Variants in CLASP1 observed in about 807,000 individuals in gnomAD.
CLASP1 encodes the protein cytoplasmic linker associated protein 1.
CLASP1 carries 38 observed loss-of-function variants against 192.3 expected under a neutral mutation model. The ratio of observed to expected loss-of-function variants is 0.20; its 90% CI spans 0.15 to 0.26. The LOEUF (loss-of-function observed/expected upper bound fraction) is 0.26. Ranked by LOEUF, CLASP1 falls within the 10% of genes least tolerant of loss-of-function variation. The probability of loss-of-function intolerance (pLI) is 1.00; values close to 1 mark genes in which losing one functional copy is unlikely to be tolerated. For synonymous variants in CLASP1, 691 were observed against 712.8 expected (o/e 0.97, Z 0.49); for missense variants, 1,433 against 1,932.5 (o/e 0.74, Z 4.85).
At chr2:121,470,879 A>G (rs547204642) in intron 8 of CLASP1, among the ~76,000 whole-genome samples, 1 of 152,362 alleles carries the variant, frequency 6.6e-6, no homozygotes, top group South Asian at 2.1e-4. Flanking sequence ...AGGTGAAAAA[A>G]AAGACTTCAC....
At chr2:121,459,256 G>A (rs2087360702) in intron 12 of CLASP1, among the ~76,000 whole-genome samples, 1 of 151,772 alleles carries the variant, frequency 6.6e-6, no homozygotes, top group Admixed American at 6.6e-5. Context: ...TTGAACTCCT[G>A]GGCTCAATCA....
At chr2:121,458,290 G>A (rs1422817682) in intron 13 of CLASP1, among the ~76,000 whole-genome samples, 1 of 152,212 alleles carries the variant, frequency 6.6e-6, no homozygotes, top group Non-Finnish European at 1.5e-5. Context: ...GGGAGGTAAT[G>A]TGGAAAACCA....
chr2:121,577,414 C>T (rs980782392), intron 2 of CLASP1, among the ~76,000 whole-genome samples: 3 of 152,102 alleles, frequency 2.0e-5, no homozygotes, highest in South Asian at 2.1e-4. Flanking sequence ...GACCATATTT[C>T]AACAAGAAAA....
intron 2 of CLASP1, among the ~76,000 whole-genome samples, chr2:121,593,625 T>TAAAAA (rs2062698351): frequency 2.4e-5 from 1 of 42,100 alleles, no homozygotes; most frequent in African/African-American, 2.3e-4. Context: ...AAACTCCGTC[T>TAAAAA]CAAAAAAAAA....
At chr2:121,376,912 G>A (rs1166981039) in intron 34 of CLASP1, among the ~76,000 whole-genome samples, 1 of 152,190 alleles carries the variant, frequency 6.6e-6, no homozygotes, top group Non-Finnish European at 1.5e-5. Flanking sequence ...CTCAGACAGG[G>A]CCAACTAGTT....
At chr2:121,453,533 A>G (rs2086001383) in intron 14 of CLASP1, among the ~76,000 whole-genome samples, 1 of 152,166 alleles carries the variant, frequency 6.6e-6, no homozygotes, top group Admixed American at 6.5e-5. Flanking sequence ...AACTACACAC[A>G]CACACATTCC....
intron 1 of CLASP1, among the ~76,000 whole-genome samples, chr2:121,633,947 T>C (rs1012244851): frequency 3.3e-5 from 5 of 150,310 alleles, no homozygotes; most frequent in African/African-American, 4.9e-5. Flanking sequence ...GCGGAGCTTG[T>C]AGTGAGCCCC....
At chr2:121,535,648 A>G (rs2095043868) in intron 2 of CLASP1, among the ~76,000 whole-genome samples, 1 of 152,044 alleles carries the variant, frequency 6.6e-6, no homozygotes. Flanking sequence ...GACATTCATT[A>G]GAATTTTTTT....
At chr2:121,346,603 C>T (rs965081976) in intron 39 of CLASP1, among the ~76,000 whole-genome samples, 7 of 152,214 alleles carry the variant, frequency 4.6e-5, no homozygotes, top group African/African-American at 1.4e-4. Context: ...CATGAGTCAA[C>T]GCATGCAAAG....
At chr2:121,527,100 T>C (rs2094592618) in intron 5 of CLASP1, among the ~76,000 whole-genome samples, 1 of 152,176 alleles carries the variant, frequency 6.6e-6, no homozygotes, top group Non-Finnish European at 1.5e-5. Flanking sequence ...AAACTAAAAA[T>C]GAACTTACCA....
chr2:121,496,956 A>G (rs1232894791), intron 8 of CLASP1, among the ~76,000 whole-genome samples: 1 of 152,232 alleles, frequency 6.6e-6, no homozygotes, highest in Non-Finnish European at 1.5e-5. Context: ...ATCATATTAT[A>G]TAAAATAAGC....
chr2:121,378,735 G>A lies in CLASP1; in HGVS notation c.3492-1086C>T, dbSNP rs114391209. Reference sequence around the variant, plus strand: ...AATTTAATTTTTAAAATAGTCCTGAGCTATACTGAGGATTGCTAGGGACAC... The same window carrying A: ...AATTTAATTTTTAAAATAGTCCTGAACTATACTGAGGATTGCTAGGGACAC... On this transcript the variant is annotated intron_variant, in intron 33 of 39. Coordinates refer to ENST00000263710, the Ensembl canonical transcript of CLASP1. Among the ~76,000 whole-genome samples, 746 of 152,194 alleles carry A rather than the reference G, an allele frequency of 4.9e-3. 9 individuals carry two copies. Among genetic ancestry groups the A allele is most frequent in the African/African-American group, 0.017 (723 of 41,512 alleles).
At chr2:121,598,215 T>C (rs538249167) in intron 2 of CLASP1, among the ~76,000 whole-genome samples, 6 of 152,326 alleles carry the variant, frequency 3.9e-5, no homozygotes, top group African/African-American at 1.2e-4. Flanking sequence ...GTTCTGAATG[T>C]ATGCTTATTT....
At chr2:121,543,394 A>C (rs1166517646) in intron 2 of CLASP1, among the ~76,000 whole-genome samples, 2 of 152,166 alleles carry the variant, frequency 1.3e-5, no homozygotes, top group Non-Finnish European at 2.9e-5. Flanking sequence ...AGACCTCTAA[A>C]TTTGCAATCT....
At chr2:121,550,852 C>T (rs1356588421) in intron 2 of CLASP1, among the ~76,000 whole-genome samples, 1 of 152,114 alleles carries the variant, frequency 6.6e-6, no homozygotes, top group African/African-American at 2.4e-5. Context: ...AGGAGGGACT[C>T]CTACCCAACT....
chr2:121,624,550 G>T (rs529149031), intron 1 of CLASP1, among the ~76,000 whole-genome samples: 2 of 152,206 alleles, frequency 1.3e-5, no homozygotes, highest in East Asian at 3.9e-4. Flanking sequence ...CCAAGTAGCT[G>T]GGATTACAGG....
chr2:121,597,926 C>G (rs1367421662), intron 2 of CLASP1, among the ~76,000 whole-genome samples: 1 of 152,164 alleles, frequency 6.6e-6, no homozygotes, highest in Non-Finnish European at 1.5e-5. Flanking sequence ...ACAGGTCATT[C>G]TTAACATTTC....
rs553814183 is a variant in CLASP1, at chr2:121,422,207, A to T, written c.2212+2932T>A. ...AAGGAAGGGTCCAACCAGGACTCAT[A>T]AAAGCAGAATATAAGAGAATTAATA... On this transcript the variant is annotated intron_variant, in intron 22 of 39. Coordinates refer to ENST00000263710, the Ensembl canonical transcript of CLASP1. 4.6e-5 allele frequency among the ~76,000 whole-genome samples: 7 copies of T among 152,336 alleles called. 1 individual carries two copies. Among genetic ancestry groups the T allele is most frequent in the Admixed American group, 4.6e-4 (7 of 15,306 alleles).
intron 30 of CLASP1, among the ~76,000 whole-genome samples, chr2:121,395,826 G>A (rs2075193141): frequency 6.6e-6 from 1 of 152,176 alleles, no homozygotes. Context: ...AAGGAAGGGA[G>A]GTAGGGAAGA....
Sources: gnomAD v4.1 joint callset for allele counts (sites outside exome capture counted in the v4.1 genomes callset) on GRCh38, gnomAD v4.1.1 for gene constraint, MANE v1.5 for transcripts, NCBI Gene and HGNC (gene_info 2026-07-23, HGNC 2026-07-21) for gene names.